RHOBTB1: variants seen among roughly 807,000 people sequenced by gnomAD.
The protein encoded by RHOBTB1 is Rho related BTB domain containing 1.
RHOBTB1 carries 40 observed loss-of-function variants against 71.6 expected under a neutral mutation model. The observed-to-expected ratio is 0.56, with a 90% CI of 0.43 to 0.73. The LOEUF is 0.73. Among genes scored for constraint, RHOBTB1 ranks in the 30% least tolerant of loss-of-function variants. The probability of loss-of-function intolerance (pLI) is 0.00; values close to 1 mark genes in which losing one functional copy is unlikely to be tolerated. For synonymous variants in RHOBTB1, 319 were observed against 334.9 expected, an observed-to-expected ratio of 0.95 and a Z score of 0.52; for missense variants, 797 against 894.0, an observed-to-expected ratio of 0.89 and a Z score of 1.38.
intron 5 of RHOBTB1, among the ~76,000 whole-genome samples, chr10:60,889,778 T>C (rs998653243): frequency 2.0e-5 from 3 of 152,222 alleles, no homozygotes; most frequent in African/African-American, 7.2e-5. Context: ...ACAGGAATAA[T>C]AATAACAATG....
chr10:60,950,567 T>G (rs2085376726), intron 2 of RHOBTB1, among the ~76,000 whole-genome samples: 1 of 152,216 alleles, frequency 6.6e-6, no homozygotes, highest in Admixed American at 6.5e-5. Flanking sequence ...AACTAGGATG[T>G]AATTCTGTGC....
intron 2 of RHOBTB1, among the ~76,000 whole-genome samples, chr10:60,985,176 AG>A (rs1396597609): frequency 6.6e-6 from 1 of 152,202 alleles, no homozygotes; most frequent in Non-Finnish European, 1.5e-5. Context: ...AAACATATGA[AG>A]AAAAATAAAA....
At chr10:60,969,204 A>G (rs551718678) in intron 2 of RHOBTB1, among the ~76,000 whole-genome samples, 1 of 152,056 alleles carries the variant, frequency 6.6e-6, no homozygotes, top group Non-Finnish European at 1.5e-5. Context: ...GAGGTCCAAA[A>G]CAAACAAAAA....
intron 4 of RHOBTB1, among the ~76,000 whole-genome samples, chr10:60,909,411 C>T (rs2082853044): frequency 6.6e-6 from 1 of 151,962 alleles, no homozygotes; most frequent in Admixed American, 6.6e-5. Flanking sequence ...TCTCTAGATT[C>T]TAAACCCAAA....
Position 60,875,048 on chromosome 10 carries a change from GA to G in RHOBTB1, c.1727-7del, listed in dbSNP as rs373611958. ...CTCCTGAACGGCATGCTGTTCTGGG[GA>G]AGAGAGAGGGGGCAGGAGAACATTA... On this transcript the variant is annotated splice_region_variant and splice_polypyrimidine_tract_variant and intron_variant, in intron 8 of 10. Transcript: ENST00000337910. 3.0e-5 allele frequency: 49 copies of G among 1,612,326 alleles called. No homozygotes were observed. The African/African-American group carries it at 3.9e-4, about 13-fold the overall frequency.
intron 2 of RHOBTB1, among the ~76,000 whole-genome samples, chr10:60,933,416 G>T (rs1565040977): frequency 6.6e-6 from 1 of 152,298 alleles, no homozygotes; most frequent in Admixed American, 6.5e-5. Context: ...TATAGAAAAA[G>T]ATTTCATTTA....
At chr10:60,925,168 A>G (rs914588000) in intron 2 of RHOBTB1, among the ~76,000 whole-genome samples, 33 of 152,090 alleles carry the variant, frequency 2.2e-4, no homozygotes, top group Non-Finnish European at 1.5e-5. Context: ...CCATGATTAT[A>G]AGCTTCCTGA....
intron 8 of RHOBTB1, among the ~76,000 whole-genome samples, chr10:60,875,434 C>T (rs535240298): frequency 6.6e-6 from 1 of 152,248 alleles, no homozygotes; most frequent in East Asian, 1.9e-4. Flanking sequence ...CACATGTGGC[C>T]GCTGTTTGGA....
intron 2 of RHOBTB1, among the ~76,000 whole-genome samples, chr10:60,970,887 A>G (rs990954904): frequency 6.6e-6 from 1 of 152,096 alleles, no homozygotes; most frequent in Non-Finnish European, 1.5e-5. Context: ...TCCTTGTAAA[A>G]ATATTCATGG....
At chr10:60,876,616 T>C (rs1047428759) in intron 8 of RHOBTB1, among the ~76,000 whole-genome samples, 4 of 152,226 alleles carry the variant, frequency 2.6e-5, no homozygotes, top group African/African-American at 9.6e-5. Flanking sequence ...CTCATGTTTC[T>C]GAAAAAAGTA....
At chr10:60,933,725 C>CAT (rs1401090230) in intron 2 of RHOBTB1, among the ~76,000 whole-genome samples, 3 of 151,764 alleles carry the variant, frequency 2.0e-5, no homozygotes, top group African/African-American at 7.3e-5. Context: ...GAATGTTCAT[C>CAT]ATCATATCAC....
chr10:60,965,126 G>A (rs2085913285), intron 2 of RHOBTB1, among the ~76,000 whole-genome samples: 1 of 151,916 alleles, frequency 6.6e-6, no homozygotes, highest in Admixed American at 6.6e-5. Context: ...AGTATGTTAG[G>A]GGTTGTACAT....
intron 5 of RHOBTB1, among the ~76,000 whole-genome samples, chr10:60,889,622 T>C (rs1383320900): frequency 1.3e-5 from 2 of 152,182 alleles, no homozygotes; most frequent in Non-Finnish European, 2.9e-5. Flanking sequence ...TACATGACCA[T>C]GTGCCTAAAT....
intron 2 of RHOBTB1, among the ~76,000 whole-genome samples, chr10:60,920,347 G>T (rs558174248): frequency 6.6e-6 from 1 of 152,212 alleles, no homozygotes; most frequent in South Asian, 2.1e-4. Context: ...AAAAAATAAT[G>T]GATGGGAAGC....
At chr10:60,981,290 A>C (rs1463833924) in intron 2 of RHOBTB1, among the ~76,000 whole-genome samples, 1 of 152,220 alleles carries the variant, frequency 6.6e-6, no homozygotes, top group African/African-American at 2.4e-5. Context: ...GGTCAAAATA[A>C]TAAAGATGAT....
chr10:60,949,180 T>C (rs1048980507), upstream of RHOBTB1, among the ~76,000 whole-genome samples: 3 of 152,236 alleles, frequency 2.0e-5, no homozygotes, highest in Admixed American at 2.0e-4. Context: ...GTCACTCAAG[T>C]ATTCCTGCTA....
rs2081269707 is a variant in RHOBTB1, at chr10:60,880,268, A to G, written c.1576-2210T>C. Among the ~76,000 whole-genome samples, 6 of 151,280 alleles carry G rather than the reference A, an allele frequency of 4.0e-5. 1 individual carries two copies. The South Asian group carries it at 1.2e-3, about 31-fold the overall frequency. On this transcript the variant is annotated intron_variant, in intron 7 of 10. Transcript: ENST00000337910. Reference sequence around the variant, plus strand: ...GAGTGAGAGAGAGTGAGAGACAGAGAGAGAGAGAGAGAGAGTGTATGTATG... The same window carrying G: ...GAGTGAGAGAGAGTGAGAGACAGAGGGAGAGAGAGAGAGAGTGTATGTATG...
In RHOBTB1 at chr10:60,888,491, G is replaced by C. The variant is rs762801403; in HGVS notation, c.1177C>G (p.Arg393Gly). The change falls in exon 6 of 11, where the codon CGG (arginine) becomes GGG (glycine). Residue 393 changes from arginine (R) to glycine (G), a missense_variant. Physicochemically the swap from Arg to Gly is moderately radical, Grantham distance 125. Transcript: ENST00000337910. The part of the protein sequence containing the change: ...REMQVNPISK[R>G]MGPMTVVRMD... ...CTGACCACAGTCATGGGCCCCATCC[G>C]CTTTGAAATGGGGTTGACTTGCATT... The C allele has an allele frequency of 1.9e-6, 3 of 1,614,152 alleles. No homozygotes were observed. Among genetic ancestry groups the C allele is most frequent in the Non-Finnish European group, 2.5e-6 (3 of 1,180,024 alleles).
intron 4 of RHOBTB1, among the ~76,000 whole-genome samples, chr10:60,906,374 T>C (rs1479866219): frequency 6.6e-6 from 1 of 152,242 alleles, no homozygotes; most frequent in Non-Finnish European, 1.5e-5. Context: ...ATATCAGAGC[T>C]CGTAATAGAT....
Sources: gnomAD v4.1 joint callset for allele counts (sites outside exome capture counted in the v4.1 genomes callset) on GRCh38, gnomAD v4.1.1 for gene constraint, MANE v1.5 for transcripts, NCBI Gene and HGNC (gene_info 2026-07-23, HGNC 2026-07-21) for gene names.